ZNF609: variants seen among roughly 807,000 people sequenced by gnomAD.
The protein encoded by ZNF609 is zinc finger protein 609.
Under a neutral mutation model 109.5 loss-of-function variants are expected in ZNF609, and 11 were observed. The observed-to-expected ratio is 0.10, with a 90% confidence interval of 0.06 to 0.17. The LOEUF is 0.17. ZNF609 is among the 10% of genes least tolerant of loss of function. The probability of loss-of-function intolerance (pLI) is 1.00; values close to 1 mark genes in which losing one functional copy is unlikely to be tolerated. For missense variants in ZNF609, 1,559 were observed against 1,772.4 expected (o/e 0.88, Z 2.16); for synonymous variants, 646 against 662.0 (o/e 0.98, Z 0.37).
chr15:64,500,505 T>C, intron 2 of ZNF609: 1 of 616,610 alleles, frequency 1.6e-6, no homozygotes, highest in Non-Finnish European at 2.9e-6. Flanking sequence ...ATCAGACCTT[T>C]ATTTGTTTCC....
At chr15:64,598,685 G>T (rs1895438565) in intron 2 of ZNF609, among the ~76,000 whole-genome samples, 1 of 125,358 alleles carries the variant, frequency 8.0e-6, no homozygotes. Flanking sequence ...GTTATTTTTT[G>T]GTTTGGCTAT....
intron 2 of ZNF609, among the ~76,000 whole-genome samples, chr15:64,583,511 C>A (rs1285207634): frequency 5.9e-5 from 9 of 152,180 alleles, no homozygotes; most frequent in Non-Finnish European, 4.4e-5. Context: ...CACCTTCCAG[C>A]ATCTGTAGGT....
chr15:64,585,651 A>G (rs1248276238), intron 2 of ZNF609, among the ~76,000 whole-genome samples: 1 of 152,144 alleles, frequency 6.6e-6, no homozygotes, highest in East Asian at 1.9e-4. Flanking sequence ...TAGCTAGTTG[A>G]CACCTAATTG....
At chr15:64,530,630 A>C (rs1427010602) in intron 2 of ZNF609, among the ~76,000 whole-genome samples, 3 of 152,188 alleles carry the variant, frequency 2.0e-5, no homozygotes, top group Non-Finnish European at 4.4e-5. Context: ...TTAGCATCTT[A>C]AGGGCAAGAA....
intron 1 of ZNF609, among the ~76,000 whole-genome samples, chr15:64,478,155 G>GGTGTGTGTGTGTGTGTGTGT (rs149241970): frequency 7.2e-6 from 1 of 138,196 alleles, no homozygotes; most frequent in Non-Finnish European, 1.6e-5. Context: ...TTAGAATAAA[G>GGTGTGTGTGTGTGTGTGTGT]GTGTGTGTGT....
chr15:64,475,367 G>T (rs1282925667), intron 1 of ZNF609, among the ~76,000 whole-genome samples: 1 of 139,878 alleles, frequency 7.1e-6, no homozygotes, highest in Non-Finnish European at 1.5e-5. Flanking sequence ...TGGGATCTCT[G>T]TTGTAGTACT....
In ZNF609 at chr15:64,609,108, CTTTCTTTCTTTCTTTCTTTCTT is replaced by C. The variant is rs1480281347; in HGVS notation, c.748-13715_748-13694del. On this transcript the variant is annotated intron_variant, in intron 2 of 9. Coordinates refer to ENST00000326648, the MANE Select transcript of ZNF609 (RefSeq NM_015042.2). ...TCTTTCTTTCTTTCTTTCTTTCTTT[CTTTCTTTCTTTCTTTCTTTCTT>C]TTTTTCTTTCTTTTTTTTCTCTCTC... is the stretch of plus-strand genomic sequence containing the variant. 2.6e-3 allele frequency among the ~76,000 whole-genome samples: 86 copies of C among 32,550 alleles called. 1 individual carries two copies. The highest frequency in any genetic ancestry group is 5.4e-3 in the Admixed American group (12 of 2,230). The allele number at this position is 32,550 out of a possible 152,430, so 21.4% of individuals were successfully genotyped here. A position where few individuals can be genotyped will look rare whatever the true frequency, so the allele number is the denominator to read the frequency against.
chr15:64,636,145 C>G (rs369990505), intron 3 of ZNF609, among the ~76,000 whole-genome samples: 28 of 151,982 alleles, frequency 1.8e-4, no homozygotes, highest in East Asian at 1.3e-3. Flanking sequence ...AGTGGTAAAC[C>G]AAGCCCATGT....
At chr15:64,520,375 T>C (rs1034683611) in intron 2 of ZNF609, among the ~76,000 whole-genome samples, 2 of 152,180 alleles carry the variant, frequency 1.3e-5, no homozygotes, top group Non-Finnish European at 2.9e-5. Flanking sequence ...AAGTTTTTAT[T>C]TGAGCACTAT....
chr15:64,548,276 T>C (rs1171227083), intron 2 of ZNF609, among the ~76,000 whole-genome samples: 2 of 152,196 alleles, frequency 1.3e-5, no homozygotes, highest in Non-Finnish European at 2.9e-5. Flanking sequence ...TTAGGAATGG[T>C]CAATATTATG....
intron 2 of ZNF609, among the ~76,000 whole-genome samples, chr15:64,528,319 G>C (rs1024104445): frequency 6.6e-6 from 1 of 151,488 alleles, no homozygotes; most frequent in East Asian, 1.9e-4. Context: ...GGCTGGTCTC[G>C]AACTCCTGAC....
intron 2 of ZNF609, among the ~76,000 whole-genome samples, chr15:64,517,478 C>A (rs1893830262): frequency 6.6e-6 from 1 of 152,114 alleles, no homozygotes; most frequent in South Asian, 2.1e-4. Flanking sequence ...GAGGGCTATC[C>A]TAGTCAAGCA....
At chr15:64,551,317 G>T (rs1894467350) in intron 2 of ZNF609, among the ~76,000 whole-genome samples, 1 of 152,186 alleles carries the variant, frequency 6.6e-6, no homozygotes, top group African/African-American at 2.4e-5. Flanking sequence ...TACCTCCAAG[G>T]GTACTTATAC....
chr15:64,471,987 T>G (rs573472450), intron 1 of ZNF609, among the ~76,000 whole-genome samples: 15 of 152,044 alleles, frequency 9.9e-5, no homozygotes, highest in Non-Finnish European at 1.6e-4. Context: ...CTCAGCTAAC[T>G]GCATCCTCAG....
chr15:64,593,354 A>C (rs1016915926), intron 2 of ZNF609: 68 of 1,120,320 alleles, frequency 6.1e-5, no homozygotes, highest in Non-Finnish European at 8.9e-5. Flanking sequence ...GACTGAAGAC[A>C]GGCTATTCTC....
chr15:64,505,681 T>C (rs779907583), intron 2 of ZNF609, among the ~76,000 whole-genome samples: 6 of 152,000 alleles, frequency 3.9e-5, no homozygotes, highest in Admixed American at 6.6e-5. Context: ...GCCGAATAAG[T>C]TTTTGGGGTA....
intron 3 of ZNF609, among the ~76,000 whole-genome samples, chr15:64,638,551 GA>G (rs1341662797): frequency 6.6e-6 from 1 of 151,970 alleles, no homozygotes; most frequent in African/African-American, 2.4e-5. Flanking sequence ...GAATTGGGGG[GA>G]GGGGGGATCA....
At chr15:64,460,539 G>A (rs1269324677), upstream of ZNF609, among the ~76,000 whole-genome samples, 1 of 152,078 alleles carries the variant, frequency 6.6e-6, no homozygotes, top group Non-Finnish European at 1.5e-5. Context: ...CGGATCCGAG[G>A]GCCTGGCAGT....
intron 1 of ZNF609, among the ~76,000 whole-genome samples, chr15:64,481,788 T>C (rs1305062700): frequency 6.6e-6 from 1 of 152,072 alleles, no homozygotes; most frequent in African/African-American, 2.4e-5. Flanking sequence ...GTTTTTTGTT[T>C]ATTTGTTTGT....
Sources: allele counts gnomAD v4.1 joint callset (sites outside exome capture counted in the v4.1 genomes callset), GRCh38; gene constraint gnomAD v4.1.1; transcripts MANE v1.5; gene names NCBI Gene and HGNC (gene_info 2026-07-23, HGNC 2026-07-21).